The following CLASP2 variants were observed in gnomAD, a reference collection of about 807,000 sequenced individuals.
CLASP2 encodes cytoplasmic linker associated protein 2.
In CLASP2, 47 loss-of-function variants were observed where a neutral mutation model predicts 194.4. That is an observed-to-expected ratio of 0.24 (90% confidence interval 0.19 to 0.31). The LOEUF is 0.31. CLASP2 is among the 10% of genes least tolerant of loss of function. The pLI, the probability that CLASP2 is intolerant of heterozygous loss-of-function variation, is 1.00. For synonymous variants in CLASP2, 619 were observed against 633.5 expected, an observed-to-expected ratio of 0.98 and a Z score of 0.34; for missense variants, 1,445 against 1,823.6, an observed-to-expected ratio of 0.79 and a Z score of 3.78.
intron 27 of CLASP2, among the ~76,000 whole-genome samples, chr3:33,561,332 C>T (rs991586008): frequency 9.8e-5 from 15 of 152,328 alleles, no homozygotes; most frequent in African/African-American, 3.6e-4. Flanking sequence ...GTTTCAGTAA[C>T]TCTCAGCTTT....
rs962854814 is a variant in CLASP2, at chr3:33,696,353, C to CTT, written c.274+500_274+501dup. ...CCAGTAAAAACAATTTTCTTTCTTT[C>CTT]TTTTTTTTTTTTTTTTTTTTTTTTT... is the stretch of plus-strand genomic sequence containing the variant. On this transcript the variant is annotated intron_variant, in intron 2 of 38. Coordinates refer to ENST00000682230, the MANE Select transcript of CLASP2 (RefSeq NM_001365631.1). Among the ~76,000 whole-genome samples the CTT allele has an allele frequency of 6.6e-3, 349 of 52,730 alleles. 5 individuals carry two copies. The highest frequency in any genetic ancestry group is 0.015 in the South Asian group (17 of 1,144). 34.6% of individuals were successfully genotyped at this position (52,730 alleles called of 152,430 possible).
At chr3:33,678,903 G>A (rs1475322662) in intron 6 of CLASP2, among the ~76,000 whole-genome samples, 1 of 152,128 alleles carries the variant, frequency 6.6e-6, no homozygotes. Flanking sequence ...TTATTTTGTG[G>A]ATAACAACAA....
chr3:33,633,919 G>A (rs2079598440), intron 8 of CLASP2, among the ~76,000 whole-genome samples: 1 of 152,138 alleles, frequency 6.6e-6, no homozygotes, highest in Non-Finnish European at 1.5e-5. Flanking sequence ...GTCTATTGGG[G>A]TGTCTTAAAG....
At chr3:33,552,610 A>C (rs2060215469) in intron 29 of CLASP2, among the ~76,000 whole-genome samples, 1 of 152,182 alleles carries the variant, frequency 6.6e-6, no homozygotes, top group South Asian at 2.1e-4. Context: ...TTATATATTT[A>C]ATGTGTACAA....
At chr3:33,627,165 C>T in intron 9 of CLASP2, 85 bp from the exon 10 acceptor site, 1 of 769,222 alleles carries the variant, frequency 1.3e-6, no homozygotes, top group Non-Finnish European at 2.2e-6. Context: ...AATAATCTTT[C>T]ACCTATTAAG....
chr3:33,592,438 A>G lies in CLASP2; in HGVS notation c.2025T>C (p.Asp675=). ...TTTTTGTTCGACTTCTTCCTCTAGA[A>G]TCTGCCTTGGCATTTCCCATGCCAG... is the stretch of plus-strand genomic sequence containing the variant. ...PLAGMGNAKA[D]SRGRSRTKMV... The change falls in exon 21 of 39, where the codon GAT becomes GAC. Residue 675 remains aspartate (D), a synonymous_variant. Coordinates refer to ENST00000682230, the MANE Select transcript of CLASP2 (RefSeq NM_001365631.1). 1 of 1,613,864 alleles carries G rather than the reference A, an allele frequency of 6.2e-7. No homozygotes were observed. The highest frequency in any genetic ancestry group is 1.1e-5 in the South Asian group (1 of 91,024).
chr3:33,635,639 C>T (rs2154297348), intron 8 of CLASP2, among the ~76,000 whole-genome samples: 1 of 152,262 alleles, frequency 6.6e-6, no homozygotes, highest in South Asian at 2.1e-4. Context: ...AGAAGTGATT[C>T]AGATCAAAGG....
At chr3:33,593,163 C>T (rs1468977567) in intron 20 of CLASP2, among the ~76,000 whole-genome samples, 1 of 152,164 alleles carries the variant, frequency 6.6e-6, no homozygotes, top group African/African-American at 2.4e-5. Flanking sequence ...TGCCTCATTC[C>T]CCTCCACAAA....
chr3:33,627,312 T>C, intron 9 of CLASP2: 3 of 485,888 alleles, frequency 6.2e-6, no homozygotes, highest in South Asian at 2.3e-5. Flanking sequence ...ACTTCAAATA[T>C]GCTCTCAAAA....
At chr3:33,575,369 A>G (rs1358491948) in intron 24 of CLASP2, among the ~76,000 whole-genome samples, 1 of 152,146 alleles carries the variant, frequency 6.6e-6, no homozygotes, top group African/African-American at 2.4e-5. Context: ...TTATATCAAC[A>G]CTAGTTAAGA....
intron 7 of CLASP2, among the ~76,000 whole-genome samples, chr3:33,661,286 G>A (rs1162118428): frequency 6.6e-6 from 1 of 151,960 alleles, no homozygotes; most frequent in Non-Finnish European, 1.5e-5. Flanking sequence ...GCTCCTTAAG[G>A]GGAGAAATTT....
chr3:33,554,398 G>A (rs1430141910), intron 29 of CLASP2, among the ~76,000 whole-genome samples: 7 of 152,134 alleles, frequency 4.6e-5, no homozygotes, highest in Admixed American at 4.6e-4. Flanking sequence ...AGTGAAATAA[G>A]CCAGACATAG....
At chr3:33,626,045 T>C (rs1305402428) in intron 10 of CLASP2, among the ~76,000 whole-genome samples, 1 of 152,146 alleles carries the variant, frequency 6.6e-6, no homozygotes, top group East Asian at 1.9e-4. Context: ...ACAAAAAATC[T>C]TTCTGTATCA....
In CLASP2 at chr3:33,712,521, A is replaced by T. The variant is rs561066254; in HGVS notation, c.195+5287T>A. ...CTGAAATTATAATAAATTTTTTTTT[A>T]AAAAAAGAATGGATGTAAGGATATG... On this transcript the variant is annotated intron_variant, in intron 1 of 38. Transcript: ENST00000682230. Among the ~76,000 whole-genome samples the T allele has an allele frequency of 1.9e-4, 29 of 151,792 alleles. No homozygotes were observed. The East Asian group carries it at 3.5e-3, about 18-fold the overall frequency.
chr3:33,671,794 T>C (rs137917496), intron 6 of CLASP2, among the ~76,000 whole-genome samples: 4,076 of 152,308 alleles, frequency 0.027, 117 homozygotes, highest in African/African-American at 0.071. Context: ...GATTATATCC[T>C]GCACCTGGCT....
In CLASP2 at chr3:33,602,933, C is replaced by T. The variant is rs764676415; in HGVS notation, c.1924+19G>A. ...CAGGGAGAGAACATGGTACAATTTTCCATAATCAGTTCTCTTACCTAGTGA... is the reference window on the plus strand; with the variant it reads ...CAGGGAGAGAACATGGTACAATTTTTCATAATCAGTTCTCTTACCTAGTGA... On this transcript the variant is annotated intron_variant, in intron 18 of 38. Coordinates refer to ENST00000682230, the MANE Select transcript of CLASP2 (RefSeq NM_001365631.1). 3 of 1,600,088 alleles carry T rather than the reference C, an allele frequency of 1.9e-6. No individual in the cohort carries two copies. Among genetic ancestry groups the T allele is most frequent in the Non-Finnish European group, 2.6e-6 (3 of 1,172,336 alleles).
intron 7 of CLASP2, among the ~76,000 whole-genome samples, chr3:33,651,500 A>G (rs2083206705): frequency 6.6e-6 from 1 of 152,096 alleles, no homozygotes; most frequent in African/African-American, 2.4e-5. Flanking sequence ...TTAATTTTCT[A>G]AAATCTAATA....
At position 33,622,290 on chromosome 3, in the gene CLASP2, A is replaced by T. The variant is rs2077232472; in HGVS notation, c.1036-10T>A. The T allele has an allele frequency of 6.9e-7, 1 of 1,454,990 alleles. No homozygotes were observed. Among genetic ancestry groups the T allele is most frequent in the East Asian group, 2.5e-5 (1 of 39,968 alleles). 90.1% of individuals were successfully genotyped at this position (1,454,990 alleles called of 1,614,324 possible). A position where few individuals can be genotyped will look rare whatever the true frequency, so the allele number is the denominator to read the frequency against. On this transcript the variant is annotated splice_polypyrimidine_tract_variant and intron_variant, in intron 10 of 38. Transcript: ENST00000682230. ...ATCGAATTTTCTTCAGCTGAAATAA[A>T]GAATTTTCATTATTGACAAAAAAGG...
chr3:33,611,373 G>A (rs1238763313), intron 13 of CLASP2, among the ~76,000 whole-genome samples: 1 of 152,102 alleles, frequency 6.6e-6, no homozygotes, highest in East Asian at 1.9e-4. Flanking sequence ...CCCTGAATAC[G>A]CATAGTTTAC....
Sources: gnomAD v4.1 joint callset for allele counts (sites outside exome capture counted in the v4.1 genomes callset) on GRCh38, gnomAD v4.1.1 for gene constraint, MANE v1.5 for transcripts, NCBI Gene and HGNC (gene_info 2026-07-23, HGNC 2026-07-21) for gene names.